Variants in PLXNA4 observed in about 807,000 individuals in gnomAD.
PLXNA4 encodes plexin-A4.
PLXNA4 carries 44 observed loss-of-function variants against 191.8 expected under a neutral mutation model. That is an observed-to-expected ratio of 0.23 (90% confidence interval 0.18 to 0.29). The LOEUF is 0.29. Ranked by LOEUF, PLXNA4 falls within the 10% of genes least tolerant of loss-of-function variation. The pLI is 1.00. For synonymous variants in PLXNA4, 1,082 were observed against 1,009.5 expected (o/e 1.07, Z -1.36); for missense variants, 1,800 against 2,488.8 (o/e 0.72, Z 5.89).
chr7:132,189,577 AAAGGGTCTCCCC>A (rs1797023788), intron 14 of PLXNA4, among the ~76,000 whole-genome samples: 1 of 152,164 alleles, frequency 6.6e-6, no homozygotes. Context: ...TTGGTACTAA[AAAGGGTCTCCCC>A]AACATGCCCC....
At position 132,439,388 on chromosome 7, in the gene PLXNA4, G is replaced by T. The variant is rs1223768503; in HGVS notation, c.1371+49904C>A. 2.6e-5 allele frequency among the ~76,000 whole-genome samples: 4 copies of T among 152,094 alleles called. No homozygotes were observed. The East Asian group carries it at 7.7e-4, about 29-fold the overall frequency. On this transcript the variant is annotated intron_variant, in intron 3 of 31. Transcript: ENST00000321063. ...GAATACATGAACAAGCAATTTACTT[G>T]GTGATTCACATTGTACATACATGTA... is the stretch of plus-strand genomic sequence containing the variant.
At chr7:132,301,091 T>C (rs1801288070) in intron 3 of PLXNA4, among the ~76,000 whole-genome samples, 1 of 152,166 alleles carries the variant, frequency 6.6e-6, no homozygotes, top group African/African-American at 2.4e-5. Context: ...TGGATGCAGA[T>C]TAGTCCCCAC....
intron 20 of PLXNA4, among the ~76,000 whole-genome samples, chr7:132,178,587 G>T (rs1796554202): frequency 6.6e-6 from 1 of 152,196 alleles, no homozygotes; most frequent in African/African-American, 2.4e-5. Flanking sequence ...GGTGTGGTCT[G>T]GGACACAGGC....
At chr7:132,527,756 C>T (rs1396710176) in intron 1 of PLXNA4, among the ~76,000 whole-genome samples, 1 of 152,112 alleles carries the variant, frequency 6.6e-6, no homozygotes, top group Non-Finnish European at 1.5e-5. Context: ...TTCCCCATGC[C>T]ACCTGCCAGC....
intron 18 of PLXNA4, 22 bp downstream of exon 18, chr7:132,181,359 C>G: frequency 6.2e-7 from 1 of 1,612,648 alleles, no homozygotes; most frequent in Non-Finnish European, 8.5e-7. Context: ...CCCACCCCCG[C>G]CTCCCACCAC....
intron 2 of PLXNA4, among the ~76,000 whole-genome samples, chr7:132,499,531 C>T (rs2117598463): frequency 6.6e-6 from 1 of 152,310 alleles, no homozygotes; most frequent in Non-Finnish European, 1.5e-5. Flanking sequence ...TGCCACCAGT[C>T]CATCAATCCC....
chr7:132,416,694 A>G (rs371219540), intron 3 of PLXNA4, among the ~76,000 whole-genome samples: 200 of 152,380 alleles, frequency 1.3e-3, no homozygotes, highest in Middle Eastern at 6.8e-3. Context: ...GAACATTTGT[A>G]AAATAGCAGC....
chr7:132,420,273 T>C (rs1794804896), intron 3 of PLXNA4, among the ~76,000 whole-genome samples: 1 of 152,240 alleles, frequency 6.6e-6, no homozygotes, highest in African/African-American at 2.4e-5. Flanking sequence ...TATCACACGT[T>C]TCTCACTCTG....
chr7:132,187,693 C>G (rs775120385), intron 14 of PLXNA4, 86 bp from the exon 15 acceptor site: 38 of 1,481,814 alleles, frequency 2.6e-5, no homozygotes, highest in Admixed American at 6.9e-5. Flanking sequence ...CCCCACTCCC[C>G]CAAGCTGCCT....
At chr7:132,486,216 T>C (rs772647602) in intron 3 of PLXNA4, among the ~76,000 whole-genome samples, 10 of 152,218 alleles carry the variant, frequency 6.6e-5, no homozygotes, top group Non-Finnish European at 1.3e-4. Flanking sequence ...CTTGCAAAAC[T>C]TCCAGCAAAA....
intron 25 of PLXNA4, 113 bp from the exon 26 acceptor site, chr7:132,148,759 A>T: frequency 1.4e-6 from 2 of 1,470,792 alleles, no homozygotes; most frequent in Non-Finnish European, 1.8e-6. Context: ...GTCCATTGCA[A>T]GTGCTAGCAC....
chr7:132,473,168 AG>A (rs1315395346), intron 3 of PLXNA4, among the ~76,000 whole-genome samples: 82 of 152,266 alleles, frequency 5.4e-4, no homozygotes, highest in African/African-American at 2.0e-3. Context: ...AGTCAGTGGC[AG>A]AAAAAGATGA....
intron 2 of PLXNA4, among the ~76,000 whole-genome samples, chr7:132,602,422 G>A (rs559664525): frequency 1.1e-4 from 16 of 152,160 alleles, no homozygotes; most frequent in Non-Finnish European, 2.2e-4. Context: ...TGTTGCCTCT[G>A]TCTACCAGCT....
chr7:132,331,772 G>A (rs1029532280), intron 3 of PLXNA4, among the ~76,000 whole-genome samples: 1 of 152,204 alleles, frequency 6.6e-6, no homozygotes, highest in Admixed American at 6.5e-5. Context: ...ATGGTTGAAA[G>A]AGGTGATAGG....
chr7:132,233,561 C>T (rs909385790), intron 5 of PLXNA4, among the ~76,000 whole-genome samples: 2 of 152,180 alleles, frequency 1.3e-5, no homozygotes, highest in Admixed American at 1.3e-4. Context: ...GGCAACTGGG[C>T]CCATGGTCCT....
At chr7:132,417,873 C>T (rs1794714155) in intron 3 of PLXNA4, among the ~76,000 whole-genome samples, 1 of 152,106 alleles carries the variant, frequency 6.6e-6, no homozygotes, top group Non-Finnish European at 1.5e-5. Flanking sequence ...CTCTCTGGGC[C>T]CCCTATCTAC....
At chr7:132,255,162 G>C (rs1333220291) in intron 4 of PLXNA4, among the ~76,000 whole-genome samples, 2 of 152,196 alleles carry the variant, frequency 1.3e-5, no homozygotes, top group African/African-American at 2.4e-5. Flanking sequence ...CAGCCCACAG[G>C]GAGGGGCAGC....
At chr7:132,268,067 C>T (rs577899995) in intron 4 of PLXNA4, among the ~76,000 whole-genome samples, 3 of 152,228 alleles carry the variant, frequency 2.0e-5, no homozygotes, top group East Asian at 1.9e-4. Context: ...GGCTTTGTCC[C>T]GTAAGCAAGT....
At chr7:132,472,628 C>CAG (rs1796971413) in intron 3 of PLXNA4, among the ~76,000 whole-genome samples, 1 of 152,228 alleles carries the variant, frequency 6.6e-6, no homozygotes, top group Admixed American at 6.5e-5. Context: ...AGGCTGTCAG[C>CAG]AGAGACAAAT....
Sources: allele counts gnomAD v4.1 joint callset (sites outside exome capture counted in the v4.1 genomes callset), GRCh38; gene constraint gnomAD v4.1.1; transcripts MANE v1.5; gene names NCBI Gene and HGNC (gene_info 2026-07-23, HGNC 2026-07-21).